MSI1: variants seen among roughly 807,000 people sequenced by gnomAD.
MSI1 encodes RNA-binding protein Musashi homolog 1.
Under a neutral mutation model 54.4 loss-of-function variants are expected in MSI1, and 15 were observed. The ratio of observed to expected loss-of-function variants is 0.28; its 90% confidence interval spans 0.18 to 0.42. The LOEUF is 0.42. Ranked by LOEUF, MSI1 falls within the 20% of genes least tolerant of loss-of-function variation. MSI1 has a pLI of 1.00. For synonymous variants in MSI1, 200 were observed against 196.5 expected (o/e 1.02, Z -0.15); for missense variants, 304 against 506.0 (o/e 0.60, Z 3.83).
intron 14 of MSI1, among the ~76,000 whole-genome samples, chr12:120,343,655 A>G (rs1047497494): frequency 2.6e-5 from 4 of 152,216 alleles, no homozygotes; most frequent in African/African-American, 7.2e-5. Flanking sequence ...TGTCATGCAC[A>G]GTCTGGAATT....
Position 120,357,073 on chromosome 12 carries a change from T to G in MSI1, c.535-54A>C. ...CCCACAGAGCTAGAGTCATTAGCCC[T>G]CTTGTTCCCTGGAAAGCCCCTTTAT... On this transcript the variant is annotated intron_variant, in intron 8 of 14. Transcript: ENST00000257552. 3.4e-6 allele frequency: 5 copies of G among 1,473,158 alleles called. No homozygotes were observed. In the Admixed American group the frequency reaches 6.8e-5, roughly 20 times the overall value. The allele number at this position is 1,473,158 out of a possible 1,614,324, so 91.3% of individuals were successfully genotyped here.
intron 6 of MSI1, among the ~76,000 whole-genome samples, chr12:120,362,579 C>T (rs1875743810): frequency 6.6e-6 from 1 of 152,110 alleles, no homozygotes; most frequent in South Asian, 2.1e-4. Context: ...AGCTCTGGCT[C>T]CAAGCTCCCC....
rs1190971675 is a variant in MSI1 at position 120,357,018 on chromosome 12, A to C, written c.536T>G (p.Val179Gly). 6.2e-7 allele frequency: 1 copy of C among 1,613,854 alleles called. No homozygotes were observed. The change falls in exon 9 of 15, where the codon GTG (valine) becomes GGG (glycine). Residue 179 changes from valine to glycine, a missense_variant and splice_region_variant. Coordinates refer to ENST00000257552, the MANE Select transcript of MSI1 (RefSeq NM_002442.4). ...CTTTGGCTGAGCTTTCTTACATTCC[A>C]CCTGCAATGAGACCTGGCGGTTAGT... ...IHFHEINNKM[V>G]ECKKAQPKEV...
intron 8 of MSI1, 29 bp downstream of exon 8, chr12:120,357,787 G>C (rs201245125): frequency 3.1e-6 from 5 of 1,610,148 alleles, no homozygotes; most frequent in Non-Finnish European, 4.2e-6. Flanking sequence ...GCTTACAGGC[G>C]TGAGCCACTG....
At chr12:120,351,499 G>T in intron 10 of MSI1, 99 bp from the exon 11 acceptor site, 1 of 1,072,060 alleles carries the variant, frequency 9.3e-7, no homozygotes, top group Non-Finnish European at 1.4e-6. Context: ...TGGGTGAGGA[G>T]ACAGGCCATG....
At chr12:120,355,930 C>T (rs1247264266) in intron 9 of MSI1, among the ~76,000 whole-genome samples, 2 of 151,956 alleles carry the variant, frequency 1.3e-5, no homozygotes, top group African/African-American at 2.4e-5. Context: ...CATAAAGACC[C>T]CCTTGTACTG....
intron 12 of MSI1, among the ~76,000 whole-genome samples, chr12:120,347,074 C>T (rs1031601803): frequency 6.6e-6 from 1 of 152,130 alleles, no homozygotes; most frequent in South Asian, 2.1e-4. Context: ...CTTGGCCTCC[C>T]GAGTAGCTGG....
intron 4 of MSI1, among the ~76,000 whole-genome samples, chr12:120,367,060 C>G (rs1011445869): frequency 6.6e-6 from 1 of 152,112 alleles, no homozygotes; most frequent in Non-Finnish European, 1.5e-5. Context: ...TTACTGCGAG[C>G]GGGAGCGGGA....
intron 6 of MSI1, among the ~76,000 whole-genome samples, chr12:120,360,957 G>A (rs563062490): frequency 6.6e-6 from 1 of 152,180 alleles, no homozygotes; most frequent in Admixed American, 6.5e-5. Context: ...GCCTGGCTAT[G>A]AGAGGATTTA....
At chr12:120,365,730 G>C (rs1161755525) in intron 4 of MSI1, among the ~76,000 whole-genome samples, 1 of 152,208 alleles carries the variant, frequency 6.6e-6, no homozygotes, top group Non-Finnish European at 1.5e-5. Context: ...GGGCAAGGCA[G>C]AGTGCAGTCT....
intron 10 of MSI1, 142 bp downstream of exon 10, chr12:120,353,157 C>T: frequency 1.2e-6 from 1 of 816,950 alleles, no homozygotes; most frequent in Non-Finnish European, 2.0e-6. Context: ...GGGAGAGGCC[C>T]TCTTTCCTCA....
Position 120,368,153 on chromosome 12 carries a change from G to T in MSI1, c.182+39C>A. 6.3e-7 allele frequency: 1 copy of T among 1,582,148 alleles called. No individual in the cohort carries two copies. Among genetic ancestry groups the T allele is most frequent in the Non-Finnish European group, 8.6e-7 (1 of 1,163,568 alleles). ...AAGGCAGTGAGTGGCGGGTGGAGGG[G>T]GGCGAGCCGGGAGCAGGAGGAGGGG... On this transcript the variant is annotated intron_variant, in intron 3 of 14. Coordinates refer to ENST00000257552, the MANE Select transcript of MSI1 (RefSeq NM_002442.4). This position sits in a 1 kb window ranked among gnomAD's most constrained non-coding sequence, Gnocchi z 6.6.
At chr12:120,353,400 T>C (rs1164405982) in intron 9 of MSI1, 21 bp from the exon 10 acceptor site, 1 of 1,611,052 alleles carries the variant, frequency 6.2e-7, no homozygotes, top group Non-Finnish European at 8.5e-7. Flanking sequence ...AAGGGGGCAG[T>C]GTCAGATGGC....
chr12:120,358,021 C>G lies in MSI1; in HGVS notation c.452-123G>C, dbSNP rs1592940491. ...GGCGAGTGAGAGTTAATGAAAGGCT[C>G]TGCTCACAGCCTGGAATCCTCTCAA... On this transcript the variant is annotated intron_variant, in intron 7 of 14. Transcript: ENST00000257552. The G allele has an allele frequency of 1.4e-5, 11 of 775,170 alleles. No individual in the cohort carries two copies. In the East Asian group the frequency reaches 3.0e-4, roughly 21 times the overall value. 48.0% of individuals were successfully genotyped at this position (775,170 alleles called of 1,614,324 possible). A position where few individuals can be genotyped will look rare whatever the true frequency, so the allele number is the denominator to read the frequency against.
chr12:120,349,263 T>A (rs1322100275), intron 11 of MSI1, among the ~76,000 whole-genome samples: 1 of 151,460 alleles, frequency 6.6e-6, no homozygotes, highest in Non-Finnish European at 1.5e-5. Context: ...GCCTGGCTAA[T>A]TTTTTTTGTA....
At chr12:120,356,849 G>T in intron 9 of MSI1, 53 bp downstream of exon 9, 1 of 1,523,522 alleles carries the variant, frequency 6.6e-7, no homozygotes, top group Non-Finnish European at 9.1e-7. Context: ...GCCCCTGCTA[G>T]TCCTGGGAGC....
intron 6 of MSI1, among the ~76,000 whole-genome samples, chr12:120,359,692 A>G (rs1192664149): frequency 6.6e-6 from 1 of 152,024 alleles, no homozygotes; most frequent in Admixed American, 6.6e-5. Flanking sequence ...TACTCTTGTT[A>G]CTTCCTCTAG....
Position 120,363,202 on chromosome 12 carries a change from C to T in MSI1, c.310-67G>A, listed in dbSNP as rs1049519627. 7.4e-5 allele frequency: 102 copies of T among 1,385,816 alleles called. 1 individual carries two copies. The highest frequency in any genetic ancestry group is 4.6e-4 in the Middle Eastern group (2 of 4,380). 85.8% of individuals were successfully genotyped at this position (1,385,816 alleles called of 1,614,324 possible). A position where few individuals can be genotyped will look rare whatever the true frequency, so the allele number is the denominator to read the frequency against. ...TGGCCTACCGCCACCAGCAGGGGCT[C>T]GAGCCCCCCTGCCAGGATGCCAGCT... On this transcript the variant is annotated intron_variant, in intron 5 of 14. Transcript: ENST00000257552.
chr12:120,362,842 C>T (rs949539004), intron 6 of MSI1, among the ~76,000 whole-genome samples: 3 of 152,242 alleles, frequency 2.0e-5, no homozygotes, highest in Admixed American at 1.3e-4. Flanking sequence ...TTCTCTGTCC[C>T]GAGGGATATC....
Sources: gnomAD v4.1 joint callset for allele counts (sites outside exome capture counted in the v4.1 genomes callset) on GRCh38, gnomAD v4.1.1 for gene constraint, Gnocchi (gnomAD v3.1) non-coding constraint, MANE v1.5 for transcripts, NCBI Gene and HGNC (gene_info 2026-07-23, HGNC 2026-07-21) for gene names.